The following ALK variants were observed in gnomAD, a reference collection of about 807,000 sequenced individuals.
ALK encodes the protein ALK tyrosine kinase receptor.
ALK carries 74 observed loss-of-function variants against 163.1 expected under a neutral mutation model. That is an observed-to-expected ratio of 0.45 (90% confidence interval 0.38 to 0.55). The LOEUF is 0.55. Among genes scored for constraint, ALK ranks in the 20% least tolerant of loss-of-function variants. The pLI is 0.00. For missense variants in ALK, 2,063 were observed against 2,105.3 expected, an observed-to-expected ratio of 0.98 and a Z score of 0.39; for synonymous variants, 960 against 843.2, an observed-to-expected ratio of 1.14 and a Z score of -2.40.
intron 4 of ALK, among the ~76,000 whole-genome samples, chr2:29,424,841 C>T (rs1280863364): frequency 1.3e-5 from 2 of 152,108 alleles, no homozygotes; most frequent in African/African-American, 4.8e-5. Flanking sequence ...ACCTCGTAAG[C>T]CTTGGTTTTC....
chr2:29,628,909 A>G (rs1453279176), intron 3 of ALK, among the ~76,000 whole-genome samples: 1 of 152,210 alleles, frequency 6.6e-6, no homozygotes, highest in African/African-American at 2.4e-5. Context: ...AAAATGGAGC[A>G]CACTCAAAAC....
chr2:29,750,689 A>AGGC (rs1558471744), intron 1 of ALK, among the ~76,000 whole-genome samples: 2 of 116,922 alleles, frequency 1.7e-5, no homozygotes, highest in African/African-American at 7.8e-5. Flanking sequence ...GGAAGGAAGG[A>AGGC]AGGAAGGAAG....
chr2:29,913,219 A>G (rs1410788205), intron 1 of ALK, among the ~76,000 whole-genome samples: 1 of 152,188 alleles, frequency 6.6e-6, no homozygotes, highest in African/African-American at 2.4e-5. Context: ...TGGAATATGT[A>G]CACCACAACA....
intron 5 of ALK, among the ~76,000 whole-genome samples, chr2:29,332,208 C>T (rs1400235845): frequency 7.3e-6 from 1 of 137,444 alleles, no homozygotes; most frequent in African/African-American, 2.7e-5. Flanking sequence ...ACCGCTTGAA[C>T]CAGGGAGGCG....
At chr2:29,863,032 G>A (rs1666335806) in intron 1 of ALK, among the ~76,000 whole-genome samples, 1 of 152,098 alleles carries the variant, frequency 6.6e-6, no homozygotes. Context: ...GTCTGTCTAA[G>A]AAAGAGCATT....
Position 29,532,108 on chromosome 2 carries a change from G to A in ALK, c.961C>T (p.Leu321Phe). Residue 321 changes from leucine (L) to phenylalanine (F), a missense_variant, in exon 4 of 29, where the codon CTC becomes TTC. Leu to Phe is a conservative substitution (Grantham distance 22). Around this residue, in one of 5 missense-constraint regions of ALK, gnomAD observed 987 missense variants for 939.5 expected, o/e 1.05. Transcript: ENST00000389048. The stretch of plus-strand genomic sequence containing the variant: ...GAGTCAGCTGAGGTGTTGAGAAGGA[G>A]AAAGGAGCCTGGAAAGAGACAGGGA... ...RSKEMPRGSF[L>F]LLNTSADSKH... 6.2e-7 allele frequency: 1 copy of A among 1,614,034 alleles called. No individual in the cohort carries two copies. The highest frequency in any genetic ancestry group is 8.5e-7 in the Non-Finnish European group (1 of 1,179,994).
At chr2:29,691,602 C>T (rs1047984656) in intron 3 of ALK, among the ~76,000 whole-genome samples, 1 of 152,128 alleles carries the variant, frequency 6.6e-6, no homozygotes, top group African/African-American at 2.4e-5. Context: ...CCCTTGGGAT[C>T]CAGCTTCATA....
chr2:29,820,994 G>A (rs1572406266), intron 1 of ALK, among the ~76,000 whole-genome samples: 2 of 152,328 alleles, frequency 1.3e-5, no homozygotes, highest in Middle Eastern at 6.8e-3. Flanking sequence ...GTGTGGAGAA[G>A]AAGGAGCTAG....
chr2:29,204,463 G>A (rs1573095387), intron 26 of ALK, among the ~76,000 whole-genome samples: 1 of 152,278 alleles, frequency 6.6e-6, no homozygotes, highest in Admixed American at 6.5e-5. Flanking sequence ...CCTCAATTGG[G>A]ATTTGTCTGT....
chr2:29,761,581 A>G (rs1394996427), intron 1 of ALK, among the ~76,000 whole-genome samples: 2 of 152,242 alleles, frequency 1.3e-5, no homozygotes, highest in African/African-American at 4.8e-5. Flanking sequence ...TAGATTGGAA[A>G]TGTTCAGTGG....
chr2:29,254,796 G>A (rs879372812), intron 11 of ALK, among the ~76,000 whole-genome samples: 7 of 152,124 alleles, frequency 4.6e-5, no homozygotes, highest in African/African-American at 1.7e-4. Flanking sequence ...TTTCACTGTG[G>A]GAAGCAGATA....
At position 29,275,465 on chromosome 2, in the gene ALK, GT is replaced by G; in HGVS notation, c.1848del (p.Gln617LysfsTer48). The G allele has an allele frequency of 6.2e-7, 1 of 1,614,162 alleles. No individual in the cohort carries two copies. The highest frequency in any genetic ancestry group is 2.2e-5 in the East Asian group (1 of 44,878). On this transcript the variant is annotated frameshift_variant, in exon 10 of 29. Coordinates refer to ENST00000389048, the MANE Select transcript of ALK (RefSeq NM_004304.5). LOFTEE classifies it high-confidence loss of function. ...AAAGCCACGATGGCTCTGGATCCTTGTCCCCACCATGCGACCATCTGCAGCC... is the reference window on the plus strand; with the variant it reads ...AAAGCCACGATGGCTCTGGATCCTTGCCCCACCATGCGACCATCTGCAGCC... ...RFWLQMVAWW[G>X]QGSRAIVAFD...
chr2:29,809,171 G>A (rs1254788727), intron 1 of ALK, among the ~76,000 whole-genome samples: 1 of 152,208 alleles, frequency 6.6e-6, no homozygotes, highest in East Asian at 1.9e-4. Context: ...CTTAAGCAAG[G>A]TTCTGGAAAC....
At chr2:29,428,571 G>T (rs1384416264) in intron 4 of ALK, among the ~76,000 whole-genome samples, 2 of 151,712 alleles carry the variant, frequency 1.3e-5, no homozygotes, top group Non-Finnish European at 3.0e-5. Context: ...GACTCAAGAA[G>T]AAATAGAAAA....
rs529993784 is a variant in ALK, at chr2:29,587,376, T to C, written c.953-55260A>G. ...TATTTTTAAGCACAACTCAAAAGCA[T>C]TGATTTCACAAAGAAGTATAAAGCT... On this transcript the variant is annotated intron_variant, in intron 3 of 28. Transcript: ENST00000389048. Among the ~76,000 whole-genome samples the C allele has an allele frequency of 2.6e-5, 4 of 152,306 alleles. No individual in the cohort carries two copies. The South Asian group carries it at 8.3e-4, about 32-fold the overall frequency.
chr2:29,585,102 T>C lies in ALK; in HGVS notation c.953-52986A>G, dbSNP rs183148723. ...TAGTAACTTGCTTATCTATGTTTTC[T>C]CCTCTATCTTTCTTAATTATTTTAA... On this transcript the variant is annotated intron_variant, in intron 3 of 28. Coordinates refer to ENST00000389048, the MANE Select transcript of ALK (RefSeq NM_004304.5). Among the ~76,000 whole-genome samples, 19 of 152,344 alleles carry C rather than the reference T, an allele frequency of 1.2e-4. No homozygotes were observed. The East Asian group carries it at 3.5e-3, about 28-fold the overall frequency.
intron 1 of ALK, among the ~76,000 whole-genome samples, chr2:29,835,475 C>T (rs1665534709): frequency 6.6e-6 from 1 of 152,082 alleles, no homozygotes; most frequent in South Asian, 2.1e-4. Context: ...TTTCTTTCTC[C>T]CCTGGGATCA....
At chr2:29,790,079 AGG>A (rs1664150596) in intron 1 of ALK, among the ~76,000 whole-genome samples, 1 of 152,336 alleles carries the variant, frequency 6.6e-6, no homozygotes, top group Non-Finnish European at 1.5e-5. Flanking sequence ...CACAGAGGGT[AGG>A]CATGTGGGTT....
chr2:29,852,209 T>C (rs990044791), intron 1 of ALK, among the ~76,000 whole-genome samples: 1 of 152,138 alleles, frequency 6.6e-6, no homozygotes, highest in Non-Finnish European at 1.5e-5. Context: ...GGTAAGGTGG[T>C]GATGGACTAA....
Sources: allele counts gnomAD v4.1 joint callset (sites outside exome capture counted in the v4.1 genomes callset), GRCh38; gene constraint gnomAD v4.1.1; regional missense constraint gnomAD v4.1.1; transcripts MANE v1.5; gene names NCBI Gene and HGNC (gene_info 2026-07-23, HGNC 2026-07-21).